PISD: variants seen among roughly 807,000 people sequenced by gnomAD.
PISD encodes the protein phosphatidylserine decarboxylase.
A neutral mutation model predicts 43.5 loss-of-function variants in PISD; 31 were observed. The observed-to-expected ratio is 0.71, with a 90% CI of 0.54 to 0.96. The LOEUF is 0.96. Among genes scored for constraint, PISD ranks in the 40% least tolerant of loss-of-function variants. The pLI, the probability that PISD is intolerant of heterozygous loss-of-function variation, is 0.00. For missense variants in PISD, 523 were observed against 548.4 expected (o/e 0.95, Z 0.46); for synonymous variants, 259 against 228.7 (o/e 1.13, Z -1.20).
intron 7 of PISD, 22 bp from the exon 8 acceptor site, chr22:31,619,858 C>T (rs368577371): frequency 3.3e-6 from 5 of 1,532,308 alleles, no homozygotes; most frequent in East Asian, 4.5e-5. Context: ...GGCTGGGGGT[C>T]AGTGGGGCCC....
chr22:31,631,406 C>T (rs1185765121), intron 3 of PISD, among the ~76,000 whole-genome samples: 1 of 152,226 alleles, frequency 6.6e-6, no homozygotes, highest in Admixed American at 6.5e-5. Context: ...CCACCCCAAC[C>T]TTCTGCCCTC....
chr22:31,656,685 C>T (rs865964682), intron 1 of PISD, among the ~76,000 whole-genome samples: 3 of 130,002 alleles, frequency 2.3e-5, no homozygotes, highest in East Asian at 2.3e-4. Context: ...AATAAATAAA[C>T]AAAACAGAAA....
intron 3 of PISD, among the ~76,000 whole-genome samples, chr22:31,634,735 G>A (rs1441879842): frequency 6.6e-6 from 1 of 151,162 alleles, no homozygotes; most frequent in Non-Finnish European, 1.5e-5. Flanking sequence ...CTACTCGGGA[G>A]GCTGAGGTGG....
rs752128107 is a variant in PISD at position 31,621,355 on chromosome 22, C to G, written c.676G>C (p.Glu226Gln). ...CCACCTGGTGGGAAGGGCAGGTCCT[C>G]TGTGCACATACGCGGGCCCAGGAAC... ...ESFLGPRMCT[E>Q]DLPFPPAASC... is the part of the protein sequence containing the mutation. Residue 226 changes from glutamate (E) to glutamine (Q), a missense_variant, in exon 5 of 8, where the codon GAG becomes CAG. Transcript: ENST00000439502. The G allele has an allele frequency of 7.4e-6, 12 of 1,613,990 alleles. No individual in the cohort carries two copies. The highest frequency in any genetic ancestry group is 1.0e-5 in the Non-Finnish European group (12 of 1,180,030).
chr22:31,639,635 T>C (rs748198258), intron 3 of PISD, among the ~76,000 whole-genome samples: 1 of 151,626 alleles, frequency 6.6e-6, no homozygotes, highest in Non-Finnish European at 1.5e-5. Context: ...TATGACATGA[T>C]TGCTGAATGA....
intron 1 of PISD, among the ~76,000 whole-genome samples, chr22:31,653,794 C>T (rs2074097718): frequency 6.6e-6 from 1 of 152,152 alleles, no homozygotes; most frequent in South Asian, 2.1e-4. Context: ...ACCAGCCTGG[C>T]CAACATGGTG....
chr22:31,622,241 C>T (rs945960298), intron 3 of PISD, among the ~76,000 whole-genome samples: 6 of 152,228 alleles, frequency 3.9e-5, no homozygotes, highest in Non-Finnish European at 8.8e-5. Context: ...ACCCTAGCCA[C>T]GGTGACCCCA....
chr22:31,620,948 A>G (rs1251736823), intron 6 of PISD, 48 bp downstream of exon 6: 4 of 1,567,626 alleles, frequency 2.6e-6, no homozygotes, highest in Admixed American at 4.0e-5. Context: ...GAGAGCCTCT[A>G]TATGAAGCCC....
intron 1 of PISD, among the ~76,000 whole-genome samples, chr22:31,660,839 T>C (rs1413027074): frequency 6.6e-6 from 1 of 152,096 alleles, no homozygotes; most frequent in Non-Finnish European, 1.5e-5. Context: ...GTTCAAGCAA[T>C]TCTCCTGCCT....
At chr22:31,650,069 G>C (rs934806131) in intron 2 of PISD, among the ~76,000 whole-genome samples, 3 of 152,228 alleles carry the variant, frequency 2.0e-5, no homozygotes, top group African/African-American at 7.2e-5. Flanking sequence ...CCCAGTTTGT[G>C]TTGCTTTGTT....
chr22:31,661,028 C>G (rs2074301588), intron 1 of PISD, among the ~76,000 whole-genome samples: 1 of 152,204 alleles, frequency 6.6e-6, no homozygotes, highest in African/African-American at 2.4e-5. Context: ...AGCCACCGCG[C>G]CCAGCCTGTG....
intron 3 of PISD, among the ~76,000 whole-genome samples, chr22:31,637,164 A>AAT (rs61010566): frequency 2.6e-3 from 35 of 13,642 alleles, no homozygotes; most frequent in East Asian, 4.3e-3. Context: ...AAAAAAAAAA[A>AAT]ATATATATAT....
intron 3 of PISD, among the ~76,000 whole-genome samples, chr22:31,635,932 G>T (rs1009794676): frequency 6.6e-6 from 1 of 152,194 alleles, no homozygotes; most frequent in Non-Finnish European, 1.5e-5. Flanking sequence ...TAGTACTAAA[G>T]CTCCACTCCC....
intron 1 of PISD, among the ~76,000 whole-genome samples, chr22:31,652,538 G>A (rs1258051705): frequency 6.6e-6 from 1 of 151,842 alleles, no homozygotes; most frequent in Non-Finnish European, 1.5e-5. Context: ...AGCACATGAT[G>A]GCTCACGCCT....
chr22:31,644,547 A>C (rs537403696), intron 3 of PISD, among the ~76,000 whole-genome samples: 1 of 152,068 alleles, frequency 6.6e-6, no homozygotes, highest in African/African-American at 2.4e-5. Flanking sequence ...CCTCAAATTC[A>C]TAATTTTTAA....
chr22:31,621,366 C>A lies in PISD; in HGVS notation c.665G>T (p.Arg222Leu), dbSNP rs199747774. ...GAAGGGCAGGTCCTCTGTGCACATA[C>A]GCGGGCCCAGGAACGACTCCAGGGA... The part of the protein sequence containing the change: ...TYSLESFLGP[R>L]MCTEDLPFPP... The change falls in exon 5 of 8, where the codon CGT (arginine) becomes CTT (leucine). Residue 222 changes from arginine to leucine, a missense_variant. Arg to Leu is a moderately radical substitution (Grantham distance 102). Coordinates refer to ENST00000439502, the MANE Select transcript of PISD (RefSeq NM_001326411.2). The A allele has an allele frequency of 2.2e-4, 350 of 1,613,946 alleles. No individual in the cohort carries two copies. Among genetic ancestry groups the A allele is most frequent in the Non-Finnish European group, 2.8e-4 (331 of 1,180,026 alleles).
intron 3 of PISD, among the ~76,000 whole-genome samples, chr22:31,640,882 T>TTTTTTTTTTTTTTTTTTTTTTTTTA (rs2073694023): frequency 2.0e-5 from 1 of 50,130 alleles, no homozygotes; most frequent in Non-Finnish European, 3.8e-5. Context: ...CACCCGGTGT[T>TTTTTTTTTTTTTTTTTTTTTTTTTA]TTTTTTTTTT....
intron 3 of PISD, among the ~76,000 whole-genome samples, chr22:31,635,733 GATCTCCTCCTGCCCTA>G (rs2073411684): frequency 6.6e-6 from 1 of 152,172 alleles, no homozygotes; most frequent in South Asian, 2.1e-4. Flanking sequence ...CGCCCTCTGC[GATCTCCTCCTGCCCTA>G]GAGTGAGCCC....
chr22:31,638,805 C>CG (rs1393279070), intron 3 of PISD: 13 of 142,478 alleles, frequency 9.1e-5, no homozygotes, highest in Non-Finnish European at 1.2e-4. Flanking sequence ...TTTTCTTTTC[C>CG]ATTTTTTTTT....
Sources: allele counts gnomAD v4.1 joint callset (sites outside exome capture counted in the v4.1 genomes callset), GRCh38; gene constraint gnomAD v4.1.1; transcripts MANE v1.5; gene names NCBI Gene and HGNC (gene_info 2026-07-23, HGNC 2026-07-21).